Variants in SLC15A5 observed in about 807,000 individuals in gnomAD.
The protein encoded by SLC15A5 is solute carrier family 15 member 5, also known as Peptide/histidine transporter ENSP00000340402.
SLC15A5 carries 58 observed loss-of-function variants against 56.1 expected under a neutral mutation model. The ratio of observed to expected loss-of-function variants is 1.03; its 90% CI spans 0.84 to 1.29. The LOEUF (loss-of-function observed/expected upper bound fraction) is 1.29, where lower values mean the gene tolerates loss of function less well. SLC15A5 is among the 50% of genes most tolerant of loss of function. The pLI is 0.00. For synonymous variants in SLC15A5, 264 were observed against 250.5 expected (o/e 1.05, Z -0.51); for missense variants, 681 against 672.1 (o/e 1.01, Z -0.15).
Position 16,189,752 on chromosome 12 carries a change from A to T in SLC15A5, c.1656T>A (p.Leu552=). 6.5e-7 allele frequency: 1 copy of T among 1,530,460 alleles called. No homozygotes were observed. Among genetic ancestry groups the T allele is most frequent in the East Asian group, 2.5e-5 (1 of 40,784 alleles). 94.8% of individuals were successfully genotyped at this position (1,530,460 alleles called of 1,614,324 possible). A position where few individuals can be genotyped will look rare whatever the true frequency, so the allele number is the denominator to read the frequency against. The part of the protein sequence containing the change: ...NIRGSNLEET[L]LLHEKSLKFY... Reference sequence around the variant, plus strand: ...ATTTCAGAGATTTTTCGTGGAGGAGAAGTGTTTCTTCAAGATTACTTCCAC... The same window carrying T: ...ATTTCAGAGATTTTTCGTGGAGGAGTAGTGTTTCTTCAAGATTACTTCCAC... Residue 552 remains leucine (L), a synonymous_variant, in exon 9 of 9, where the codon CTT becomes CTA. Coordinates refer to ENST00000344941, the MANE Select transcript of SLC15A5 (RefSeq NM_001170798.1).
rs146233556 is a variant in SLC15A5 at position 16,235,233 on chromosome 12, C to T, written c.1162+4448G>A. 6.1e-5 allele frequency among the ~76,000 whole-genome samples: 9 copies of T among 147,506 alleles called. No individual in the cohort carries two copies. The highest frequency in any genetic ancestry group is 1.7e-4 in the African/African-American group (7 of 40,286). ...TTTTATACATAATATATACAAAACA[C>T]GACATGTTATAAGTATATATGTGTA... On this transcript the variant is annotated intron_variant, in intron 5 of 8. Transcript: ENST00000344941. The surrounding 1 kb of genome is among the most constrained non-coding windows in gnomAD (Gnocchi z 4.1).
intron 6 of SLC15A5, among the ~76,000 whole-genome samples, chr12:16,223,862 G>A (rs1477185466): frequency 4.6e-5 from 7 of 151,884 alleles, no homozygotes; most frequent in Admixed American, 3.3e-4. Flanking sequence ...GACTACAGGC[G>A]CCTGCCACCA....
chr12:16,206,990 A>G (rs1864025927), intron 7 of SLC15A5, among the ~76,000 whole-genome samples: 1 of 152,218 alleles, frequency 6.6e-6, no homozygotes, highest in Non-Finnish European at 1.5e-5. Context: ...ATGAATTATC[A>G]TGGAAATGAG....
At chr12:16,226,005 G>T (rs1309790817) in intron 5 of SLC15A5, among the ~76,000 whole-genome samples, 1 of 152,140 alleles carries the variant, frequency 6.6e-6, no homozygotes, top group Non-Finnish European at 1.5e-5. Context: ...CTCCAAGGTG[G>T]AGTTAATAAC....
chr12:16,190,881 A>G (rs1209581586), intron 8 of SLC15A5, among the ~76,000 whole-genome samples: 4 of 152,122 alleles, frequency 2.6e-5, no homozygotes, highest in Non-Finnish European at 5.9e-5. Context: ...CAAGTGCAAT[A>G]TCAACTTTAT....
intron 8 of SLC15A5, among the ~76,000 whole-genome samples, chr12:16,193,526 G>A (rs1565654382): frequency 6.6e-6 from 1 of 151,920 alleles, no homozygotes; most frequent in Non-Finnish European, 1.5e-5. Context: ...TAATGACCTA[G>A]GCAAAGGTGA....
intron 5 of SLC15A5, among the ~76,000 whole-genome samples, chr12:16,231,050 G>A (rs1864292816): frequency 6.6e-6 from 1 of 152,138 alleles, no homozygotes; most frequent in African/African-American, 2.4e-5. Flanking sequence ...ACGTAACTGT[G>A]GGCCAGTCAC....
At chr12:16,221,974 A>G (rs1864191492) in intron 6 of SLC15A5, among the ~76,000 whole-genome samples, 1 of 152,166 alleles carries the variant, frequency 6.6e-6, no homozygotes, top group Non-Finnish European at 1.5e-5. Flanking sequence ...TTATGGCAGA[A>G]AGAGCTGGGA....
intron 2 of SLC15A5, among the ~76,000 whole-genome samples, chr12:16,262,834 C>T (rs1405949211): frequency 6.6e-6 from 1 of 152,156 alleles, no homozygotes; most frequent in Non-Finnish European, 1.5e-5. Context: ...CTCTGCACAG[C>T]TCCCTCTTTG....
At chr12:16,231,900 C>A (rs1864303391) in intron 5 of SLC15A5, among the ~76,000 whole-genome samples, 1 of 152,186 alleles carries the variant, frequency 6.6e-6, no homozygotes, top group African/African-American at 2.4e-5. Flanking sequence ...TGAATAACTC[C>A]ATTAAAAGAT....
intron 8 of SLC15A5, among the ~76,000 whole-genome samples, chr12:16,193,817 GAGAGAGAGAGAGAGAGAGAGAGAGA>G (rs2136237197): frequency 1.5e-5 from 2 of 137,314 alleles, no homozygotes; most frequent in South Asian, 2.3e-4. Context: ...GAGAGAGAGA[GAGAGAGAGAGAGAGAGAGAGAGAGA>G]GAGGCTGGCA....
chr12:16,199,324 AAG>A (rs2136239245), intron 7 of SLC15A5, among the ~76,000 whole-genome samples: 2 of 151,058 alleles, frequency 1.3e-5, no homozygotes, highest in South Asian at 2.1e-4. Context: ...AAAAAAAAAA[AAG>A]GATGCATGTT....
At chr12:16,225,311 C>T (rs574834195) in intron 5 of SLC15A5, among the ~76,000 whole-genome samples, 9 of 152,338 alleles carry the variant, frequency 5.9e-5, no homozygotes, top group Admixed American at 2.0e-4. Context: ...ACACTGTCTT[C>T]CACAATGGTT....
At chr12:16,236,922 T>A (rs990708954) in intron 5 of SLC15A5, among the ~76,000 whole-genome samples, 3 of 152,334 alleles carry the variant, frequency 2.0e-5, no homozygotes, top group Admixed American at 1.3e-4. Flanking sequence ...ATAGTAATAA[T>A]GATAAAGTTA....
chr12:16,230,780 G>A (rs565328300), intron 5 of SLC15A5, among the ~76,000 whole-genome samples: 15 of 149,008 alleles, frequency 1.0e-4, no homozygotes, highest in African/African-American at 2.4e-4. Context: ...AAAAATAGCC[G>A]GGCGTGGTGG....
chr12:16,258,016 T>G, intron 2 of SLC15A5, 146 bp from the exon 3 acceptor site: 1 of 604,056 alleles, frequency 1.7e-6, no homozygotes, highest in Non-Finnish European at 2.5e-6. Flanking sequence ...TTTATCAGAT[T>G]TCTTAAGTAT....
intron 8 of SLC15A5, among the ~76,000 whole-genome samples, chr12:16,193,241 A>G (rs139446943): frequency 4.4e-4 from 67 of 152,128 alleles, no homozygotes; most frequent in African/African-American, 1.5e-3. Context: ...GCATTTAGGA[A>G]AAGTATATAC....
chr12:16,214,852 G>A (rs897205736), intron 7 of SLC15A5, among the ~76,000 whole-genome samples: 6 of 152,134 alleles, frequency 3.9e-5, no homozygotes, highest in Non-Finnish European at 8.8e-5. Flanking sequence ...TTTATAGGCA[G>A]CTTGTCAGAG....
chr12:16,234,088 T>C (rs1565665841), intron 5 of SLC15A5, among the ~76,000 whole-genome samples: 1 of 152,140 alleles, frequency 6.6e-6, no homozygotes, highest in Admixed American at 6.5e-5. Context: ...AAGGACAAGG[T>C]GCTGGTAGGG....
Sources: allele counts gnomAD v4.1 joint callset (sites outside exome capture counted in the v4.1 genomes callset), GRCh38; gene constraint gnomAD v4.1.1; non-coding constraint Gnocchi (gnomAD v3.1); transcripts MANE v1.5; gene names NCBI Gene and HGNC (gene_info 2026-07-23, HGNC 2026-07-21).